The following LRFN5 variants were observed in gnomAD, a reference collection of about 807,000 sequenced individuals.
LRFN5 encodes leucine rich repeat and fibronectin type III domain containing 5, also known as leucine-rich repeat and fibronectin type-III domain-containing protein 5.
Under a neutral mutation model 45.6 loss-of-function variants are expected in LRFN5, and 24 were observed. That is an observed-to-expected ratio of 0.53 (90% confidence interval 0.38 to 0.74). LRFN5 has a LOEUF of 0.74. Among genes scored for constraint, LRFN5 ranks in the 30% least tolerant of loss-of-function variants. The pLI is 0.00. For missense variants in LRFN5, 776 were observed against 861.5 expected (o/e 0.90, Z 1.24); for synonymous variants, 340 against 313.8 (o/e 1.08, Z -0.88).
chr14:41,784,044 G>C (rs756565545), intron 2 of LRFN5, among the ~76,000 whole-genome samples: 37 of 152,002 alleles, frequency 2.4e-4, no homozygotes, highest in Non-Finnish European at 5.0e-4. Context: ...TAAGGAGCTG[G>C]GTAGGATTTA....
chr14:41,742,106 G>A (rs994890143), intron 1 of LRFN5, among the ~76,000 whole-genome samples: 6 of 151,838 alleles, frequency 4.0e-5, no homozygotes, highest in Non-Finnish European at 7.4e-5. Context: ...AAATAGTATG[G>A]AGATTTTCCA....
chr14:41,677,977 A>G (rs1389785814), intron 1 of LRFN5, among the ~76,000 whole-genome samples: 1 of 152,068 alleles, frequency 6.6e-6, no homozygotes, highest in East Asian at 1.9e-4. Flanking sequence ...TGAATGAATT[A>G]AGCAATCTAA....
chr14:41,816,562 T>A (rs2139003108), intron 2 of LRFN5, among the ~76,000 whole-genome samples: 1 of 147,224 alleles, frequency 6.8e-6, no homozygotes, highest in South Asian at 2.1e-4. Context: ...GTATTCTATG[T>A]TTTTTTCTTT....
At chr14:41,717,607 C>A (rs1346900808) in intron 1 of LRFN5, among the ~76,000 whole-genome samples, 1 of 152,120 alleles carries the variant, frequency 6.6e-6, no homozygotes, top group African/African-American at 2.4e-5. Context: ...CCAATAGTTT[C>A]TCTTATTGTT....
intron 2 of LRFN5, among the ~76,000 whole-genome samples, chr14:41,879,308 C>T (rs1026486718): frequency 6.6e-6 from 1 of 151,756 alleles, no homozygotes; most frequent in Non-Finnish European, 1.5e-5. Flanking sequence ...ATTATTCTTC[C>T]TTTGGAGCAA....
At chr14:41,751,962 T>C (rs2138845216) in intron 1 of LRFN5, among the ~76,000 whole-genome samples, 2 of 152,262 alleles carry the variant, frequency 1.3e-5, no homozygotes, top group South Asian at 4.1e-4. Flanking sequence ...CCCCTTCCTG[T>C]GCCCATGTGT....
chr14:41,682,553 A>T (rs924242703), intron 1 of LRFN5, among the ~76,000 whole-genome samples: 2 of 152,134 alleles, frequency 1.3e-5, no homozygotes, highest in Admixed American at 1.3e-4. Flanking sequence ...AAGACAAACA[A>T]TTGACAAATA....
At chr14:41,760,176 C>T (rs775358161) in intron 1 of LRFN5, among the ~76,000 whole-genome samples, 3 of 152,140 alleles carry the variant, frequency 2.0e-5, no homozygotes, top group Non-Finnish European at 4.4e-5. Context: ...CGGAAAAGTT[C>T]AGTTAACATG....
chr14:41,704,613 C>A (rs1882988350), intron 1 of LRFN5, among the ~76,000 whole-genome samples: 1 of 151,934 alleles, frequency 6.6e-6, no homozygotes, highest in Non-Finnish European at 1.5e-5. Context: ...TGCGTGCCAC[C>A]ACACCTGGAT....
At chr14:41,813,828 A>T (rs893352496) in intron 2 of LRFN5, among the ~76,000 whole-genome samples, 1 of 152,114 alleles carries the variant, frequency 6.6e-6, no homozygotes, top group African/African-American at 2.4e-5. Context: ...AAGCATTCCT[A>T]TTTCTCCACA....
chr14:41,804,333 G>A (rs1190713886), intron 2 of LRFN5, among the ~76,000 whole-genome samples: 1 of 152,020 alleles, frequency 6.6e-6, no homozygotes, highest in Non-Finnish European at 1.5e-5. Flanking sequence ...TTCTGGGTAG[G>A]GCCCACAGGA....
chr14:41,808,670 G>C (rs982690168), intron 2 of LRFN5, among the ~76,000 whole-genome samples: 40 of 151,960 alleles, frequency 2.6e-4, no homozygotes, highest in African/African-American at 8.5e-4. Context: ...TATTAATCCT[G>C]ACTAAAGCAG....
chr14:41,617,272 T>G (rs1306644882), intron 1 of LRFN5, among the ~76,000 whole-genome samples: 1 of 152,184 alleles, frequency 6.6e-6, no homozygotes, highest in Non-Finnish European at 1.5e-5. Context: ...CTGTACTCTA[T>G]GCACTAACCC....
chr14:41,862,374 G>A (rs79118540), intron 2 of LRFN5, among the ~76,000 whole-genome samples: 7,810 of 152,108 alleles, frequency 0.051, 846 homozygotes, highest in East Asian at 0.48. Context: ...TTACTCTTGT[G>A]ACATTCATTT....
chr14:41,755,923 C>G (rs983250172), intron 1 of LRFN5, among the ~76,000 whole-genome samples: 10 of 152,106 alleles, frequency 6.6e-5, no homozygotes, highest in African/African-American at 2.2e-4. Flanking sequence ...CTTTCCACGT[C>G]TAGTGCTTTC....
intron 2 of LRFN5, among the ~76,000 whole-genome samples, chr14:41,876,525 T>C (rs1890196379): frequency 6.6e-6 from 1 of 151,576 alleles, no homozygotes; most frequent in African/African-American, 2.4e-5. Context: ...CTCAATCTCC[T>C]GACCTCGTGA....
At chr14:41,747,360 C>T (rs893642711) in intron 1 of LRFN5, among the ~76,000 whole-genome samples, 2 of 151,990 alleles carry the variant, frequency 1.3e-5, no homozygotes, top group Admixed American at 6.6e-5. Flanking sequence ...AAATGGAATA[C>T]GGCATTTAGA....
At chr14:41,865,952 A>G (rs1889825499) in intron 2 of LRFN5, among the ~76,000 whole-genome samples, 1 of 152,188 alleles carries the variant, frequency 6.6e-6, no homozygotes, top group African/African-American at 2.4e-5. Flanking sequence ...GTTCTTGAAT[A>G]CCAGACCCTT....
At chr14:41,754,426 A>G (rs1885283106) in intron 1 of LRFN5, among the ~76,000 whole-genome samples, 2 of 152,252 alleles carry the variant, frequency 1.3e-5, no homozygotes, top group Admixed American at 6.5e-5. Flanking sequence ...GCTATTAATT[A>G]TTGCCTCAAT....
Sources: gnomAD v4.1 joint callset for allele counts (sites outside exome capture counted in the v4.1 genomes callset) on GRCh38, gnomAD v4.1.1 for gene constraint, MANE v1.5 for transcripts, NCBI Gene and HGNC (gene_info 2026-07-23, HGNC 2026-07-21) for gene names.